The following ZNF813 variants were observed in gnomAD, a reference collection of about 807,000 sequenced individuals.
ZNF813 encodes the protein zinc finger protein 813.
ZNF813 carries 3 observed loss-of-function variants against 7.2 expected under a neutral mutation model. The observed-to-expected ratio is 0.42, with a 90% CI of 0.19 to 1.08. The LOEUF is 1.08. Ranked by LOEUF, ZNF813 falls within the 50% of genes least tolerant of loss-of-function variation. The pLI, the probability that ZNF813 is intolerant of heterozygous loss-of-function variation, is 0.30. For synonymous variants in ZNF813, 227 were observed against 256.3 expected (o/e 0.89, Z 1.09); for missense variants, 714 against 753.3 (o/e 0.95, Z 0.61).
intron 1 of ZNF813, among the ~76,000 whole-genome samples, chr19:53,473,735 A>G (rs781746448): frequency 3.3e-5 from 5 of 152,154 alleles, no homozygotes; most frequent in African/African-American, 7.2e-5. Flanking sequence ...TTGCATGGCT[A>G]TTATTAAAGC....
chr19:53,476,961 T>C (rs1407840085), intron 1 of ZNF813, among the ~76,000 whole-genome samples: 1 of 152,188 alleles, frequency 6.6e-6, no homozygotes, highest in Non-Finnish European at 1.5e-5. Flanking sequence ...CGCGCCTGGC[T>C]GTGGGAGAGT....
chr19:53,469,711 A>C (rs1229154873), intron 1 of ZNF813, among the ~76,000 whole-genome samples: 1 of 112,704 alleles, frequency 8.9e-6, no homozygotes, highest in Non-Finnish European at 1.9e-5. Flanking sequence ...GAGCCAGGGC[A>C]GACAGAGCAG....
At position 53,494,407 on chromosome 19, in the gene ZNF813, G is replaced by A. The variant is rs1455292093; in HGVS notation, c.*2321G>A. On this transcript the variant is annotated 3_prime_UTR_variant, in exon 4 of 4. Transcript: ENST00000396403. ...GCCTGTAATCCCAACACTTTGGGAG[G>A]CCAAGGTGGGTGGATCACCTGAGAT... is the stretch of plus-strand genomic sequence containing the variant. 1.3e-5 allele frequency: 2 copies of A among 152,114 alleles called. No individual in the cohort carries two copies. The highest frequency in any genetic ancestry group is 2.9e-5 in the Non-Finnish European group (2 of 68,056). The allele number at this position is 152,114 out of a possible 1,614,324, so 9.4% of individuals were successfully genotyped here.
intron 2 of ZNF813, among the ~76,000 whole-genome samples, chr19:53,486,206 C>T (rs2086433022): frequency 6.6e-6 from 1 of 152,112 alleles, no homozygotes; most frequent in African/African-American, 2.4e-5. Flanking sequence ...GCATGTAATT[C>T]CAGCACTTTG....
chr19:53,490,194 G>T (rs977675438), intron 3 of ZNF813, among the ~76,000 whole-genome samples, 181 bp from the exon 4 acceptor site: 8 of 152,162 alleles, frequency 5.3e-5, no homozygotes, highest in African/African-American at 1.9e-4. Flanking sequence ...CCGTAGAGAT[G>T]ATTTGAAGCA....
Position 53,482,104 on chromosome 19 carries a change from G to C in ZNF813, c.-73-1646G>C, listed in dbSNP as rs553023161. ...TCCCTGAAATGATTGGCAAAATAGA[G>C]TACGTGTCTGGGTATGGCTTTTCTC... is the stretch of plus-strand genomic sequence containing the variant. On this transcript the variant is annotated intron_variant, in intron 1 of 3. Coordinates refer to ENST00000396403, the MANE Select transcript of ZNF813 (RefSeq NM_001004301.4). 2.6e-5 allele frequency among the ~76,000 whole-genome samples: 4 copies of C among 152,326 alleles called. No homozygotes were observed. In the South Asian group the frequency reaches 8.3e-4, roughly 32 times the overall value.
intron 1 of ZNF813, among the ~76,000 whole-genome samples, chr19:53,478,314 C>A (rs1427110593): frequency 6.6e-6 from 1 of 152,048 alleles, no homozygotes; most frequent in Non-Finnish European, 1.5e-5. Context: ...GGACCACAGG[C>A]GTGAGCCACC....
Position 53,491,950 on chromosome 19 carries a change from A to T in ZNF813, c.1718A>T (p.His573Leu). Reference protein sequence around the residue: ...KAHLARHHRLHTGEKPYKCNE... With the variant: ...KAHLARHHRLLTGEKPYKCNE... Reference sequence around the variant, plus strand: ...CACCTTGCACGTCACCATAGACTTCATACTGGAGAGAAACCTTACAAGTGT... The same window carrying T: ...CACCTTGCACGTCACCATAGACTTCTTACTGGAGAGAAACCTTACAAGTGT... Residue 573 changes from histidine (H) to leucine (L), a missense_variant, in exon 4 of 4, where the codon CAT (histidine) becomes CTT (leucine). Coordinates refer to ENST00000396403, the MANE Select transcript of ZNF813 (RefSeq NM_001004301.4). 1 of 1,611,684 alleles carries T rather than the reference A, an allele frequency of 6.2e-7. No homozygotes were observed. The highest frequency in any genetic ancestry group is 1.1e-5 in the South Asian group (1 of 90,600).
In ZNF813 at chr19:53,491,641, A is replaced by G; in HGVS notation, c.1409A>G (p.Asn470Ser). Residue 470 changes from asparagine to serine, a missense_variant, in exon 4 of 4, where the codon AAT (asparagine) becomes AGT (serine). Transcript: ENST00000396403. ...IHIGEKRYKC[N>S]ECGKTFSRIS... ...ATTGGAGAGAAACGTTACAAGTGTA[A>G]TGAGTGTGGCAAGACGTTCAGTCGA... The G allele has an allele frequency of 6.2e-7, 1 of 1,613,890 alleles. No homozygotes were observed. Among genetic ancestry groups the G allele is most frequent in the Non-Finnish European group, 8.5e-7 (1 of 1,179,850 alleles).
intron 1 of ZNF813, 50 bp from the exon 2 acceptor site, chr19:53,483,700 G>A: frequency 5.8e-6 from 9 of 1,549,054 alleles, no homozygotes; most frequent in South Asian, 1.1e-5. Flanking sequence ...GTGTTACAGG[G>A]AGGGGATGTG....
At chr19:53,474,842 A>G (rs1568827637) in intron 1 of ZNF813, among the ~76,000 whole-genome samples, 1 of 152,104 alleles carries the variant, frequency 6.6e-6, no homozygotes, top group African/African-American at 2.4e-5. Context: ...CTTTTAATAT[A>G]TTTTTTATCT....
In ZNF813 at chr19:53,483,237, G is replaced by C. The variant is rs554887849; in HGVS notation, c.-73-513G>C. On this transcript the variant is annotated intron_variant, in intron 1 of 3. Transcript: ENST00000396403. ...ATTTTTGTATTTTTAGTAGAGACAG[G>C]GTTTCACCATGTTGGCCAGGCTGGT... Among the ~76,000 whole-genome samples the C allele has an allele frequency of 2.5e-3, 378 of 152,164 alleles. 3 individuals carry two copies. The highest frequency in any genetic ancestry group is 8.5e-3 in the African/African-American group (353 of 41,512).
At chr19:53,482,653 C>CTCTA (rs1291176470) in intron 1 of ZNF813, among the ~76,000 whole-genome samples, 1 of 148,786 alleles carries the variant, frequency 6.7e-6, no homozygotes, top group Non-Finnish European at 1.5e-5. Flanking sequence ...GCCCGTCAGT[C>CTCTA]TCTATCACGT....
At position 53,480,501 on chromosome 19, in the gene ZNF813, C is replaced by T. The variant is rs555407923; in HGVS notation, c.-73-3249C>T. Among the ~76,000 whole-genome samples the T allele has an allele frequency of 7.8e-4, 119 of 152,070 alleles. 1 individual carries two copies. The highest frequency in any genetic ancestry group is 2.7e-3 in the African/African-American group (112 of 41,468). On this transcript the variant is annotated intron_variant, in intron 1 of 3. Transcript: ENST00000396403. ...CAGAATTTGTTAGATTTTTGAAAGA[C>T]AATTTCTAAATAGTTTCTGTTTGAA...
intron 2 of ZNF813, among the ~76,000 whole-genome samples, chr19:53,484,978 C>G (rs1016235048): frequency 6.6e-6 from 1 of 152,196 alleles, no homozygotes. Context: ...TGCTATAAAG[C>G]ATCTCCTTTC....
intron 3 of ZNF813, 27 bp from the exon 4 acceptor site, chr19:53,490,347 GA>G: frequency 6.2e-7 from 1 of 1,611,158 alleles, no homozygotes; most frequent in South Asian, 1.1e-5. Flanking sequence ...TACTGAACTG[GA>G]AACCTATTCG....
chr19:53,489,886 CT>C (rs1439138230), intron 3 of ZNF813, among the ~76,000 whole-genome samples: 1 of 152,052 alleles, frequency 6.6e-6, no homozygotes, highest in African/African-American at 2.4e-5. Context: ...CGTTTCTTAC[CT>C]TTTCAGTGCT....
chr19:53,490,469 T>A lies in ZNF813; in HGVS notation c.237T>A (p.Ser79Arg), dbSNP rs145270434. ...CAGGGACATTGCAAAGACATGAAAG[T>A]CATCACACTGGAGACTTTCGCTTTC... ...IHTGTLQRHESHHTGDFRFQE... is the reference protein window; with the variant it reads ...IHTGTLQRHERHHTGDFRFQE... Residue 79 changes from serine to arginine, a missense_variant, in exon 4 of 4, where the codon AGT (serine) becomes AGA (arginine). Physicochemically the swap from Ser to Arg is moderately radical, Grantham distance 110. Around this residue, in one of 3 missense-constraint regions of ZNF813, gnomAD observed 563 missense variants for 554.2 expected, o/e 1.02. Coordinates refer to ENST00000396403, the MANE Select transcript of ZNF813 (RefSeq NM_001004301.4). 1.7e-5 allele frequency: 27 copies of A among 1,614,148 alleles called. No homozygotes were observed. The East Asian group carries it at 5.8e-4, about 35-fold the overall frequency.
intron 1 of ZNF813, among the ~76,000 whole-genome samples, chr19:53,471,793 CAG>C (rs1268982333): frequency 1.8e-5 from 2 of 111,150 alleles, no homozygotes; most frequent in Non-Finnish European, 3.4e-5. Flanking sequence ...GCCTGCGTGA[CAG>C]AGTGAGACTG....
Sources: allele counts gnomAD v4.1 joint callset (sites outside exome capture counted in the v4.1 genomes callset), GRCh38; gene constraint gnomAD v4.1.1; regional missense constraint gnomAD v4.1.1; transcripts MANE v1.5; gene names NCBI Gene and HGNC (gene_info 2026-07-23, HGNC 2026-07-21).